LRRC30: variants seen among roughly 807,000 people sequenced by gnomAD.
The protein encoded by LRRC30 is leucine-rich repeat-containing protein 30.
A neutral mutation model predicts 14.8 loss-of-function variants in LRRC30; 10 were observed. The observed-to-expected ratio is 0.68, with a 90% CI of 0.42 to 1.15. The LOEUF is 1.15. LRRC30 is among the 50% of genes most tolerant of loss of function. The pLI is 0.00. For missense variants in LRRC30, 403 were observed against 373.9 expected (o/e 1.08, Z -0.64); for synonymous variants, 202 against 175.7 (o/e 1.15, Z -1.18).
In LRRC30 at chr18:7,231,780, C is replaced by T. The variant is rs1310146128; in HGVS notation, c.642C>T (p.Phe214=). ...AGCACCTGGCCAGCCTGCAGATCTTCATCGCAGAGGGCAACAACATCCACT... is the reference window on the plus strand; with the variant it reads ...AGCACCTGGCCAGCCTGCAGATCTTTATCGCAGAGGGCAACAACATCCACT... ...SIQHLASLQI[F]IAEGNNIHSF... is the part of the protein sequence containing the mutation. The change falls in exon 1 of 1, where the codon TTC becomes TTT. Residue 214 remains phenylalanine (F), a synonymous_variant. Coordinates refer to ENST00000383467, the MANE Select transcript of LRRC30 (RefSeq NM_001105581.3). 6.2e-7 allele frequency: 1 copy of T among 1,614,078 alleles called. No individual in the cohort carries two copies. Among genetic ancestry groups the T allele is most frequent in the African/African-American group, 1.3e-5 (1 of 74,934 alleles).
chr18:7,231,258 G>A lies in LRRC30; in HGVS notation c.120G>A (p.Pro40=), dbSNP rs1042712695. 3 of 1,614,174 alleles carry A rather than the reference G, an allele frequency of 1.9e-6. No individual in the cohort carries two copies. The highest frequency in any genetic ancestry group is 2.2e-5 in the East Asian group (1 of 44,872). The change falls in exon 1 of 1, where the codon CCG becomes CCA. Residue 40 remains proline (P), a synonymous_variant. Coordinates refer to ENST00000383467, the MANE Select transcript of LRRC30 (RefSeq NM_001105581.3). ...ATGCCCTGCTCTCGGGAAGGGACCC[G>A]CGGTCCCTGCTGAAGCGGGGCATGC... is the stretch of plus-strand genomic sequence containing the variant. The part of the protein sequence containing the change: ...WDDALLSGRD[P]RSLLKRGMHH...
rs370002253 is a variant in LRRC30 at position 7,232,014 on chromosome 18, C to T, written c.876C>T (p.Phe292=). 3.1e-5 allele frequency: 50 copies of T among 1,611,946 alleles called. No homozygotes were observed. Among genetic ancestry groups the T allele is most frequent in the African/African-American group, 2.1e-4 (16 of 74,866 alleles). ...ELVEGGLEML[F]GYLKDKKHT ...TGGAGGGGGGCCTGGAGATGCTCTT[C>T]GGCTACCTGAAGGACAAAAAACACA... Residue 292 remains phenylalanine, a synonymous_variant, in exon 1 of 1, where the codon TTC becomes TTT. Transcript: ENST00000383467.
At position 7,231,541 on chromosome 18, in the gene LRRC30, G is replaced by C. The variant is rs764413451; in HGVS notation, c.403G>C (p.Glu135Gln). ...NMNCLTEVPA[E>Q]LSLCRKLEVL... The stretch of plus-strand genomic sequence containing the variant: ...GAACTGCCTGACAGAGGTGCCGGCC[G>C]AGCTGAGCTTGTGCCGAAAGCTGGA... The change falls in exon 1 of 1, where the codon GAG becomes CAG. Residue 135 changes from glutamate to glutamine, a missense_variant. By Grantham distance (29) the Glu-to-Gln change is conservative (BLOSUM62 2). Transcript: ENST00000383467. The C allele has an allele frequency of 6.2e-7, 1 of 1,613,496 alleles. No homozygotes were observed. Among genetic ancestry groups the C allele is most frequent in the Admixed American group, 1.7e-5 (1 of 60,024 alleles).
chr18:7,231,428 T>C lies in LRRC30; in HGVS notation c.290T>C (p.Val97Ala), dbSNP rs1356113434. 7.4e-6 allele frequency: 12 copies of C among 1,614,030 alleles called. No individual in the cohort carries two copies. Among genetic ancestry groups the C allele is most frequent in the African/African-American group, 1.3e-5 (1 of 74,920 alleles). Residue 97 changes from valine (V) to alanine (A), a missense_variant, in exon 1 of 1, where the codon GTG (valine) becomes GCG (alanine). Coordinates refer to ENST00000383467, the MANE Select transcript of LRRC30 (RefSeq NM_001105581.3). ...PPEVGKLTRI[V>A]VLNLCGNRLK... is the part of the protein sequence containing the mutation. ...GAGGTGGGGAAACTGACCCGGATCG[T>C]GGTCCTGAACTTGTGCGGGAACCGC...
At position 7,231,240 on chromosome 18, in the gene LRRC30, G is replaced by A. The variant is rs775551846; in HGVS notation, c.102G>A (p.Leu34=). The change falls in exon 1 of 1, where the codon CTG becomes CTA. Residue 34 remains leucine, a synonymous_variant. Transcript: ENST00000383467. ...RQKFSPWDDA[L]LSGRDPRSLL... ...AGTTTTCTCCGTGGGACGATGCCCT[G>A]CTCTCGGGAAGGGACCCGCGGTCCC... 100 of 1,613,908 alleles carry A rather than the reference G, an allele frequency of 6.2e-5. No individual in the cohort carries two copies. Among genetic ancestry groups the A allele is most frequent in the Non-Finnish European group, 8.1e-5 (95 of 1,179,884 alleles).
Position 7,231,131 on chromosome 18 carries a change from A to G in LRRC30, c.-8A>G. ...TGGCAGAGGAGAGTGACTAGAAGGG[A>G]AGGTACAATGGGGGCCAGGCAGTCA... is the stretch of plus-strand genomic sequence containing the variant. On this transcript the variant is annotated 5_prime_UTR_variant, in exon 1 of 1. Coordinates refer to ENST00000383467, the MANE Select transcript of LRRC30 (RefSeq NM_001105581.3). 6.4e-7 allele frequency: 1 copy of G among 1,567,038 alleles called. No individual in the cohort carries two copies. The highest frequency in any genetic ancestry group is 8.7e-7 in the Non-Finnish European group (1 of 1,153,966).
Position 7,231,467 on chromosome 18 carries a change from C to G in LRRC30, c.329C>G (p.Pro110Arg). The G allele has an allele frequency of 6.2e-7, 1 of 1,614,044 alleles. No individual in the cohort carries two copies. Among genetic ancestry groups the G allele is most frequent in the Non-Finnish European group, 8.5e-7 (1 of 1,180,032 alleles). The part of the protein sequence containing the change: ...NLCGNRLKSL[P>R]REVSLLQCLK... ...TGCGGGAACCGCCTGAAGAGCCTGCCCAGAGAAGTGAGCCTCCTACAGTGC... is the reference window on the plus strand; with the variant it reads ...TGCGGGAACCGCCTGAAGAGCCTGCGCAGAGAAGTGAGCCTCCTACAGTGC... Residue 110 changes from proline to arginine, a missense_variant, in exon 1 of 1, where the codon CCC becomes CGC. Physicochemically the swap from Pro to Arg is moderately radical, Grantham distance 103 (BLOSUM62 -2). Transcript: ENST00000383467.
In LRRC30 at chr18:7,231,840, G is replaced by A. The variant is rs1448958894; in HGVS notation, c.702G>A (p.Leu234=). The change falls in exon 1 of 1, where the codon CTG becomes CTA. Residue 234 remains leucine, a synonymous_variant. Transcript: ENST00000383467. ...GGTCGCTTTGCCTGGTCACCAGCCTGGAGCTGCTGAACCTCAACAACAATG... is the reference window on the plus strand; with the variant it reads ...GGTCGCTTTGCCTGGTCACCAGCCTAGAGCTGCTGAACCTCAACAACAATG... ...FPRSLCLVTS[L]ELLNLNNNDI... The A allele has an allele frequency of 1.2e-6, 2 of 1,614,116 alleles. No individual in the cohort carries two copies. The highest frequency in any genetic ancestry group is 1.1e-5 in the South Asian group (1 of 91,076).
chr18:7,231,980 C>T lies in LRRC30; in HGVS notation c.842C>T (p.Pro281Leu), dbSNP rs1441205740. 2.5e-6 allele frequency: 4 copies of T among 1,613,894 alleles called. No individual in the cohort carries two copies. Among genetic ancestry groups the T allele is most frequent in the East Asian group, 2.2e-5 (1 of 44,856 alleles). ...CACAACCCTTTATCCAAGCCTCTGC[C>T]GGAGCTGGTGGAGGGGGGCCTGGAG... ...ISHNPLSKPL[P>L]ELVEGGLEML... Residue 281 changes from proline (P) to leucine (L), a missense_variant, in exon 1 of 1, where the codon CCG becomes CTG. By Grantham distance (98) the Pro-to-Leu change is moderately conservative (BLOSUM62 -3). Transcript: ENST00000383467.
rs776773585 is a variant in LRRC30, at chr18:7,231,123, T to C, written c.-16T>C. The C allele has an allele frequency of 1.8e-5, 28 of 1,559,236 alleles. No individual in the cohort carries two copies. Among genetic ancestry groups the C allele is most frequent in the Non-Finnish European group, 2.4e-5 (28 of 1,150,456 alleles). Reference sequence around the variant, plus strand: ...CTGGGAGGTGGCAGAGGAGAGTGACTAGAAGGGAAGGTACAATGGGGGCCA... The same window carrying C: ...CTGGGAGGTGGCAGAGGAGAGTGACCAGAAGGGAAGGTACAATGGGGGCCA... On this transcript the variant is annotated 5_prime_UTR_variant, in exon 1 of 1. Coordinates refer to ENST00000383467, the MANE Select transcript of LRRC30 (RefSeq NM_001105581.3).
Position 7,231,231 on chromosome 18 carries a change from C to A in LRRC30, c.93C>A (p.Asp31Glu), listed in dbSNP as rs1355618374. The A allele has an allele frequency of 7.4e-6, 12 of 1,613,668 alleles. No individual in the cohort carries two copies. The highest frequency in any genetic ancestry group is 1.7e-6 in the Non-Finnish European group (2 of 1,179,732). The change falls in exon 1 of 1, where the codon GAC (aspartate) becomes GAA (glutamate). Residue 31 changes from aspartate (D) to glutamate (E), a missense_variant. Asp to Glu is a conservative substitution (Grantham distance 45). Transcript: ENST00000383467. The part of the protein sequence containing the change: ...TGRRQKFSPW[D>E]DALLSGRDPR... Reference sequence around the variant, plus strand: ...GGAGACAGAAGTTTTCTCCGTGGGACGATGCCCTGCTCTCGGGAAGGGACC... The same window carrying A: ...GGAGACAGAAGTTTTCTCCGTGGGAAGATGCCCTGCTCTCGGGAAGGGACC...
chr18:7,231,388 C>T lies in LRRC30; in HGVS notation c.250C>T (p.Arg84Trp), dbSNP rs2143963608. ...ACTCAATCTGTCTCACAACCAGCTC[C>T]GGGTTCTCCCTCCCGAGGTGGGGAA... Reference protein sequence around the residue: ...QKLNLSHNQLRVLPPEVGKLT... With the variant: ...QKLNLSHNQLWVLPPEVGKLT... The change falls in exon 1 of 1, where the codon CGG becomes TGG. Residue 84 changes from arginine to tryptophan, a missense_variant. Coordinates refer to ENST00000383467, the MANE Select transcript of LRRC30 (RefSeq NM_001105581.3). 9 of 1,614,230 alleles carry T rather than the reference C, an allele frequency of 5.6e-6. 1 individual carries two copies. Among genetic ancestry groups the T allele is most frequent in the Non-Finnish European group, 7.6e-6 (9 of 1,180,052 alleles).
chr18:7,231,582 G>C lies in LRRC30; in HGVS notation c.444G>C (p.Ser148=). 1 of 1,613,838 alleles carries C rather than the reference G, an allele frequency of 6.2e-7. No homozygotes were observed. The highest frequency in any genetic ancestry group is 8.5e-7 in the Non-Finnish European group (1 of 1,180,042). The change falls in exon 1 of 1, where the codon TCG becomes TCC. Residue 148 remains serine (S), a synonymous_variant. Transcript: ENST00000383467. ...GAAAGCTGGAGGTCCTGAGCTTGTCGCACAACTGCCTGTCCCAGCTCCCTG... is the reference window on the plus strand; with the variant it reads ...GAAAGCTGGAGGTCCTGAGCTTGTCCCACAACTGCCTGTCCCAGCTCCCTG... The part of the protein sequence containing the change: ...LCRKLEVLSL[S]HNCLSQLPAC...
At position 7,231,164 on chromosome 18, in the gene LRRC30, G is replaced by C; in HGVS notation, c.26G>C (p.Ser9Thr). The change falls in exon 1 of 1, where the codon AGC becomes ACC. Residue 9 changes from serine (S) to threonine (T), a missense_variant. Transcript: ENST00000383467. The stretch of plus-strand genomic sequence containing the variant: ...ATGGGGGCCAGGCAGTCAAGGGCCA[G>C]CTCCAAGGATAAGGGCCCCAAGAGG... MGARQSRA[S>T]SKDKGPKRML... 6.2e-7 allele frequency: 1 copy of C among 1,600,212 alleles called. No individual in the cohort carries two copies. The highest frequency in any genetic ancestry group is 8.5e-7 in the Non-Finnish European group (1 of 1,170,988).
In LRRC30 at chr18:7,231,265, C is replaced by T. The variant is rs761135327; in HGVS notation, c.127C>T (p.Leu43=). 6.2e-7 allele frequency: 1 copy of T among 1,614,112 alleles called. No individual in the cohort carries two copies. Among genetic ancestry groups the T allele is most frequent in the African/African-American group, 1.3e-5 (1 of 74,938 alleles). Reference sequence around the variant, plus strand: ...GCTCTCGGGAAGGGACCCGCGGTCCCTGCTGAAGCGGGGCATGCACCACGT... The same window carrying T: ...GCTCTCGGGAAGGGACCCGCGGTCCTTGCTGAAGCGGGGCATGCACCACGT... ...ALLSGRDPRS[L]LKRGMHHVSF... Residue 43 remains leucine (L), a synonymous_variant, in exon 1 of 1, where the codon CTG becomes TTG. Coordinates refer to ENST00000383467, the MANE Select transcript of LRRC30 (RefSeq NM_001105581.3).
rs570028087 is a variant in LRRC30, at chr18:7,231,505, T to C, written c.367T>C (p.Phe123Leu). The change falls in exon 1 of 1, where the codon TTT (phenylalanine) becomes CTT (leucine). Residue 123 changes from phenylalanine to leucine, a missense_variant. Coordinates refer to ENST00000383467, the MANE Select transcript of LRRC30 (RefSeq NM_001105581.3). ...CCTCCTACAGTGCCTCAAGGTCCTG[T>C]TTGTCAACATGAACTGCCTGACAGA... ...VSLLQCLKVL[F>L]VNMNCLTEVP... is the part of the protein sequence containing the mutation. 5.0e-6 allele frequency: 8 copies of C among 1,613,602 alleles called. No individual in the cohort carries two copies. The East Asian group carries it at 1.1e-4, about 22-fold the overall frequency.
Position 7,232,016 on chromosome 18 carries a change from G to A in LRRC30, c.878G>A (p.Gly293Asp). The change falls in exon 1 of 1, where the codon GGC becomes GAC. Residue 293 changes from glycine to aspartate, a missense_variant. Gly to Asp is a moderately conservative substitution (Grantham distance 94, BLOSUM62 -1). Transcript: ENST00000383467. ...GAGGGGGGCCTGGAGATGCTCTTCG[G>A]CTACCTGAAGGACAAAAAACACACC... ...LVEGGLEMLF[G>D]YLKDKKHT is the part of the protein sequence containing the mutation. The A allele has an allele frequency of 6.2e-7, 1 of 1,611,760 alleles. No individual in the cohort carries two copies. The highest frequency in any genetic ancestry group is 1.1e-5 in the South Asian group (1 of 90,710).
rs2058621085 is a variant in LRRC30, at chr18:7,231,757, CACCT to C, written c.620_623del (p.His207ArgfsTer30). The C allele has an allele frequency of 6.2e-7, 1 of 1,614,188 alleles. No homozygotes were observed. The highest frequency in any genetic ancestry group is 8.5e-7 in the Non-Finnish European group (1 of 1,180,044). On this transcript the variant is annotated frameshift_variant, in exon 1 of 1. Coordinates refer to ENST00000383467, the MANE Select transcript of LRRC30 (RefSeq NM_001105581.3). LOFTEE classifies it high-confidence loss of function. ...GGAAAACATCGCTGAGAGCATCCAG[CACCT>C]GGCCAGCCTGCAGATCTTCATCGCA... is the stretch of plus-strand genomic sequence containing the variant.
rs369675227 is a variant in LRRC30, at chr18:7,231,669, C to A, written c.531C>A (p.His177Gln). 25 of 1,614,078 alleles carry A rather than the reference C, an allele frequency of 1.5e-5. No homozygotes were observed. The highest frequency in any genetic ancestry group is 1.8e-5 in the Non-Finnish European group (21 of 1,180,056). The change falls in exon 1 of 1, where the codon CAC becomes CAA. Residue 177 changes from histidine to glutamine, a missense_variant. Coordinates refer to ENST00000383467, the MANE Select transcript of LRRC30 (RefSeq NM_001105581.3). Reference protein sequence around the residue: ...KLNLSNNFFAHIPMCVFSLKE... With the variant: ...KLNLSNNFFAQIPMCVFSLKE... ...ACCTCAGCAACAACTTCTTCGCGCA[C>A]ATCCCCATGTGTGTGTTCTCCCTGA... is the stretch of plus-strand genomic sequence containing the variant.
Sources: gnomAD v4.1 joint callset for allele counts on GRCh38, gnomAD v4.1.1 for gene constraint, MANE v1.5 for transcripts, NCBI Gene and HGNC (gene_info 2026-07-23, HGNC 2026-07-21) for gene names.